TPRG1: variants seen among roughly 807,000 people sequenced by gnomAD.
TPRG1 encodes tumor protein p63-regulated gene 1 protein.
In TPRG1, 29 loss-of-function variants were observed where a neutral mutation model predicts 29.3. The ratio of observed to expected loss-of-function variants is 0.99; its 90% CI spans 0.74 to 1.35. TPRG1 has a LOEUF of 1.35. Among genes scored for constraint, TPRG1 ranks in the 40% most tolerant of loss-of-function variants. The pLI is 0.00. For missense variants in TPRG1, 327 were observed against 335.0 expected (o/e 0.98, Z 0.19); for synonymous variants, 130 against 116.8 (o/e 1.11, Z -0.73).
intron 3 of TPRG1, among the ~76,000 whole-genome samples, chr3:189,222,447 C>G (rs1737082390): frequency 2.0e-5 from 3 of 152,146 alleles, no homozygotes; most frequent in Admixed American, 2.0e-4. Context: ...TTCTACTCAA[C>G]CCCATGGATT....
intron 1 of TPRG1, among the ~76,000 whole-genome samples, chr3:189,185,612 G>T (rs1294192971): frequency 7.8e-6 from 1 of 128,642 alleles, no homozygotes; most frequent in Admixed American, 8.2e-5. Context: ...AAGAACACTA[G>T]AAAATGTAGA....
chr3:189,284,327 A>C (rs1717667566), intron 4 of TPRG1, among the ~76,000 whole-genome samples: 1 of 148,024 alleles, frequency 6.8e-6, no homozygotes. Flanking sequence ...CATTAGGTAT[A>C]TCTCCTAATG....
intron 4 of TPRG1, among the ~76,000 whole-genome samples, chr3:189,074,913 G>A (rs1343051144): frequency 6.6e-6 from 1 of 151,322 alleles, no homozygotes; most frequent in Non-Finnish European, 1.5e-5. Flanking sequence ...CCGGGTTCCC[G>A]CCATTCTCCT....
At chr3:189,243,799 G>GC (rs1478963151) in intron 4 of TPRG1, among the ~76,000 whole-genome samples, 3 of 152,146 alleles carry the variant, frequency 2.0e-5, no homozygotes, top group Admixed American at 1.3e-4. Context: ...CAAGTTCCTT[G>GC]CTAAGGCATA....
At chr3:189,289,711 C>G (rs1169257668) in intron 4 of TPRG1, among the ~76,000 whole-genome samples, 1 of 152,140 alleles carries the variant, frequency 6.6e-6, no homozygotes, top group Non-Finnish European at 1.5e-5. Flanking sequence ...TTGTATCACC[C>G]TTTCAGTCTT....
chr3:189,170,635 T>C (rs1728709327), upstream of TPRG1, among the ~76,000 whole-genome samples: 1 of 152,226 alleles, frequency 6.6e-6, no homozygotes, highest in South Asian at 2.1e-4. Context: ...CTTGTCTATG[T>C]GGATAACTGA....
chr3:189,132,961 C>T (rs758811730), intron 3 of TPRG1, among the ~76,000 whole-genome samples: 48 of 152,054 alleles, frequency 3.2e-4, no homozygotes, highest in South Asian at 2.3e-3. Context: ...AATGAGGAAG[C>T]GGGGCCAGTA....
chr3:189,225,685 G>T (rs1737619623), intron 3 of TPRG1, among the ~76,000 whole-genome samples: 1 of 152,026 alleles, frequency 6.6e-6, no homozygotes, highest in African/African-American at 2.4e-5. Context: ...TCTCTCTAAG[G>T]GGTTTCCTGG....
chr3:189,291,193 A>G (rs979239895), intron 4 of TPRG1, among the ~76,000 whole-genome samples: 1 of 152,036 alleles, frequency 6.6e-6, no homozygotes, highest in Non-Finnish European at 1.5e-5. Context: ...GAGCCACCGC[A>G]CCCAGCCGGT....
At chr3:189,188,278 G>C (rs540869538) in intron 1 of TPRG1, among the ~76,000 whole-genome samples, 2 of 152,290 alleles carry the variant, frequency 1.3e-5, no homozygotes, top group East Asian at 1.9e-4. Context: ...CTTTGGCCAG[G>C]CATTTTCTTT....
intron 2 of TPRG1, among the ~76,000 whole-genome samples, chr3:189,209,837 G>A (rs1044695861): frequency 1.3e-5 from 2 of 152,156 alleles, no homozygotes; most frequent in South Asian, 2.1e-4. Flanking sequence ...GCTTGTGAGG[G>A]ATCTAAAGTA....
chr3:189,158,531 C>A (rs1367500696), intron 5 of TPRG1, among the ~76,000 whole-genome samples: 1 of 152,078 alleles, frequency 6.6e-6, no homozygotes, highest in Non-Finnish European at 1.5e-5. Context: ...ATTGCTGGAA[C>A]CCGGGAGGCT....
intron 1 of TPRG1, among the ~76,000 whole-genome samples, chr3:189,173,954 A>G (rs1164658214): frequency 6.6e-6 from 1 of 152,158 alleles, no homozygotes; most frequent in Non-Finnish European, 1.5e-5. Flanking sequence ...CTTCTGGAAT[A>G]TTTGCTTCGG....
intron 3 of TPRG1, among the ~76,000 whole-genome samples, chr3:189,021,902 C>T (rs1713336104): frequency 6.6e-6 from 1 of 152,180 alleles, no homozygotes; most frequent in Non-Finnish European, 1.5e-5. Context: ...TTCACATAGT[C>T]CCATATCTCT....
At chr3:189,251,397 C>T (rs1742229025) in intron 4 of TPRG1, among the ~76,000 whole-genome samples, 1 of 152,120 alleles carries the variant, frequency 6.6e-6, no homozygotes, top group East Asian at 1.9e-4. Flanking sequence ...CCCTCCACAC[C>T]TGTGGGTGTT....
At chr3:189,188,636 T>C (rs1417165323) in intron 1 of TPRG1, among the ~76,000 whole-genome samples, 1 of 152,226 alleles carries the variant, frequency 6.6e-6, no homozygotes, top group Admixed American at 6.5e-5. Context: ...GATCTGTTCA[T>C]TGGAAGTGTA....
At position 189,164,579 on chromosome 3, in the gene TPRG1, T is replaced by C. The variant is rs1409207554; in HGVS notation, c.-10+13707T>C. Among the ~76,000 whole-genome samples the C allele has an allele frequency of 2.0e-5, 3 of 151,890 alleles. No homozygotes were observed. In the East Asian group the frequency reaches 5.8e-4, roughly 29 times the overall value. On this transcript the variant is annotated intron_variant, in intron 5 of 6. Transcript: ENST00000412373. ...CTAGTCATTGCATTTGTTATTCTTT[T>C]TACCTCTTTTGAAAATTGAAATAAG...
At chr3:189,155,452 A>T (rs1380106745) in intron 5 of TPRG1, among the ~76,000 whole-genome samples, 1 of 151,936 alleles carries the variant, frequency 6.6e-6, no homozygotes, top group Non-Finnish European at 1.5e-5. Flanking sequence ...AGATCTTGGG[A>T]TGGGGAGATT....
At chr3:189,154,270 C>A (rs763364103) in intron 5 of TPRG1, among the ~76,000 whole-genome samples, 1 of 152,118 alleles carries the variant, frequency 6.6e-6, no homozygotes, top group Non-Finnish European at 1.5e-5. Flanking sequence ...CCTTATTTTA[C>A]GATTATAAAA....
Sources: allele counts gnomAD v4.1 joint callset (sites outside exome capture counted in the v4.1 genomes callset), GRCh38; gene constraint gnomAD v4.1.1; transcripts MANE v1.5; gene names NCBI Gene and HGNC (gene_info 2026-07-23, HGNC 2026-07-21).